MBTD1: variants seen among roughly 807,000 people sequenced by gnomAD.
MBTD1 encodes mbt domain containing 1.
In MBTD1, 24 loss-of-function variants were observed where a neutral mutation model predicts 87.8. The observed-to-expected ratio is 0.27, with a 90% CI of 0.20 to 0.38. The LOEUF (loss-of-function observed/expected upper bound fraction) is 0.38. MBTD1 is among the 10% of genes least tolerant of loss of function. MBTD1 has a pLI of 1.00. For synonymous variants in MBTD1, 237 were observed against 248.6 expected, an observed-to-expected ratio of 0.95 and a Z score of 0.44; for missense variants, 436 against 760.2, an observed-to-expected ratio of 0.57 and a Z score of 5.02.
intron 6 of MBTD1, among the ~76,000 whole-genome samples, chr17:51,217,100 C>CT (rs2052614606): frequency 6.6e-6 from 1 of 152,012 alleles, no homozygotes; most frequent in African/African-American, 2.4e-5. Context: ...AAGACTAGTA[C>CT]TTCTCCCTGT....
At chr17:51,227,344 T>G (rs979427251) in intron 2 of MBTD1, among the ~76,000 whole-genome samples, 1 of 151,950 alleles carries the variant, frequency 6.6e-6, no homozygotes, top group Non-Finnish European at 1.5e-5. Context: ...GTGGATTGCT[T>G]GAGCCCAGGA....
rs1035320707 is a variant in MBTD1, at chr17:51,178,728, TAAGATA to T, written c.*1842_*1847del. Reference sequence around the variant, plus strand: ...TACAGTAGGTCCCTCTCAGCAATGTTAAGATAAATATCCAGTAATTTAACAGCTGAA... The same window carrying T: ...TACAGTAGGTCCCTCTCAGCAATGTTAATATCCAGTAATTTAACAGCTGAA... On this transcript the variant is annotated 3_prime_UTR_variant, in exon 17 of 17. Transcript: ENST00000586178. 4.6e-5 allele frequency: 7 copies of T among 152,246 alleles called. No homozygotes were observed. Among genetic ancestry groups the T allele is most frequent in the African/African-American group, 1.7e-4 (7 of 41,474 alleles). The allele number at this position is 152,246 out of a possible 1,614,324, so 9.4% of individuals were successfully genotyped here. A position where few individuals can be genotyped will look rare whatever the true frequency, so the allele number is the denominator to read the frequency against.
intron 5 of MBTD1, among the ~76,000 whole-genome samples, 159 bp downstream of exon 5, chr17:51,218,771 T>C (rs1394241242): frequency 6.6e-6 from 1 of 152,206 alleles, no homozygotes; most frequent in Non-Finnish European, 1.5e-5. Context: ...TAGAGTAATT[T>C]ATTGAAATCA....
rs561093043 is a variant in MBTD1 at position 51,239,770 on chromosome 17, C to CA, written c.-48-14562dup. On this transcript the variant is annotated intron_variant, in intron 2 of 16. Coordinates refer to ENST00000586178, the MANE Select transcript of MBTD1 (RefSeq NM_017643.3). ...CCCTGGAAGCAAAAAACAAAAAAAA[C>CA]AAAAAAAAAATCCCAGTTGAGAACT... is the stretch of plus-strand genomic sequence containing the variant. 7.8e-4 allele frequency among the ~76,000 whole-genome samples: 116 copies of CA among 148,658 alleles called. 1 individual carries two copies. The Middle Eastern group carries it at 0.01, about 13-fold the overall frequency.
intron 16 of MBTD1, chr17:51,183,963 C>T (rs1205189772): frequency 1.3e-5 from 2 of 152,102 alleles, no homozygotes; most frequent in African/African-American, 2.4e-5. Context: ...TTCATTCAAA[C>T]GGATGTTTTT....
upstream of MBTD1, chr17:51,260,887 C>G (rs760945069): frequency 5.6e-6 from 9 of 1,599,104 alleles, no homozygotes; most frequent in Admixed American, 1.5e-4. Context: ...ACGTCGAGAA[C>G]GACGAGGACG....
chr17:51,195,426 G>GACATTATAAAAATAATACTTTT, intron 12 of MBTD1, 65 bp from the exon 13 acceptor site: 1 of 1,327,288 alleles, frequency 7.5e-7, no homozygotes, highest in South Asian at 1.6e-5. Flanking sequence ...ATAATACTTT[G>GACATTATAAAAATAATACTTTT]ACATTCTAAA....
In MBTD1 at chr17:51,204,419, C is replaced by T. The variant is rs148802420; in HGVS notation, c.605-494G>A. ...TTATAGGCATATATATGTAATTATA[C>T]ATATAACATACATATTTATGTATAA... On this transcript the variant is annotated intron_variant, in intron 7 of 16. Transcript: ENST00000586178. Among the ~76,000 whole-genome samples the T allele has an allele frequency of 1.7e-3, 235 of 137,876 alleles. 1 individual carries two copies. The highest frequency in any genetic ancestry group is 4.8e-3 in the African/African-American group (180 of 37,388). The allele number at this position is 137,876 out of a possible 152,430, so 90.5% of individuals were successfully genotyped here. A position where few individuals can be genotyped will look rare whatever the true frequency, so the allele number is the denominator to read the frequency against.
intron 16 of MBTD1, among the ~76,000 whole-genome samples, chr17:51,181,188 A>T (rs1054318083): frequency 1.3e-5 from 2 of 151,814 alleles, no homozygotes; most frequent in African/African-American, 4.8e-5. Context: ...CACCACGCCC[A>T]GCTAATTTTT....
At chr17:51,183,040 G>A (rs1291561155) in intron 16 of MBTD1, among the ~76,000 whole-genome samples, 1 of 151,894 alleles carries the variant, frequency 6.6e-6, no homozygotes, top group African/African-American at 2.4e-5. Flanking sequence ...TCCCACCTTA[G>A]CCTCCCAAAG....
At chr17:51,229,140 G>C (rs557782480) in intron 2 of MBTD1, among the ~76,000 whole-genome samples, 4 of 152,210 alleles carry the variant, frequency 2.6e-5, no homozygotes, top group African/African-American at 9.6e-5. Flanking sequence ...GACCAATCTG[G>C]GCAACATAGG....
intron 2 of MBTD1, among the ~76,000 whole-genome samples, chr17:51,234,219 C>G (rs1381017101): frequency 6.6e-6 from 1 of 151,414 alleles, no homozygotes; most frequent in Non-Finnish European, 1.5e-5. Flanking sequence ...GTAGCAAAAC[C>G]CCATCTCTAC....
At chr17:51,249,408 A>G (rs2054642946) in intron 2 of MBTD1, among the ~76,000 whole-genome samples, 1 of 152,212 alleles carries the variant, frequency 6.6e-6, no homozygotes, top group Non-Finnish European at 1.5e-5. Flanking sequence ...TACTTCATAT[A>G]GATTTTGCTT....
chr17:51,180,824 C>A, intron 16 of MBTD1, 130 bp from the exon 17 acceptor site: 1 of 660,574 alleles, frequency 1.5e-6, no homozygotes, highest in South Asian at 1.7e-5. Context: ...TTTTAATTTT[C>A]CAGTATATTA....
At chr17:51,214,020 A>AT (rs2052415419) in intron 6 of MBTD1, among the ~76,000 whole-genome samples, 1 of 152,264 alleles carries the variant, frequency 6.6e-6, no homozygotes, top group East Asian at 1.9e-4. Context: ...TAATACACAG[A>AT]TTTTTTAGTA....
rs2055367000 is a variant in MBTD1, at chr17:51,259,866, T to A, written c.-144A>T. The stretch of plus-strand genomic sequence containing the variant: ...CTTTGTGTTTTCCATCAGGGCCTCA[T>A]GGGTAGGGGTTGTCCGTGCTCCCCG... On this transcript the variant is annotated 5_prime_UTR_variant, in exon 1 of 17. It removes an upstream start codon present in the reference 5' UTR. Coordinates refer to ENST00000586178, the MANE Select transcript of MBTD1 (RefSeq NM_017643.3). 1 of 1,231,566 alleles carries A rather than the reference T, an allele frequency of 8.1e-7. No homozygotes were observed. 76.3% of individuals were successfully genotyped at this position (1,231,566 alleles called of 1,614,324 possible).
rs1555673727 is a variant in MBTD1, at chr17:51,179,496, A to ATATATATATT, written c.*1079_*1080insAATATATATA. ...ATTAAAGACAATTTTATATATATAT[A>ATATATATATT]TATATATATATATATATATATATAT... On this transcript the variant is annotated 3_prime_UTR_variant, in exon 17 of 17. Coordinates refer to ENST00000586178, the MANE Select transcript of MBTD1 (RefSeq NM_017643.3). The ATATATATATT allele has an allele frequency of 3.4e-4, 18 of 53,090 alleles. 1 individual carries two copies. Among genetic ancestry groups the ATATATATATT allele is most frequent in the East Asian group, 2.8e-3 (5 of 1,792 alleles). 3.3% of individuals were successfully genotyped at this position (53,090 alleles called of 1,614,324 possible).
At position 51,191,165 on chromosome 17, in the gene MBTD1, T is replaced by TA. The variant is rs558656613; in HGVS notation, c.1768+1037dup. Among the ~76,000 whole-genome samples the TA allele has an allele frequency of 2.4e-3, 363 of 151,262 alleles. 3 individuals are homozygous for TA. The highest frequency in any genetic ancestry group is 6.8e-3 in the Middle Eastern group (2 of 292). On this transcript the variant is annotated intron_variant, in intron 16 of 16. Transcript: ENST00000586178. ...GGCTTTCTATGGTGGGGAAATAAGATAAAAAAAATCAAACATAGTTATCAA... is the reference window on the plus strand; with the variant it reads ...GGCTTTCTATGGTGGGGAAATAAGATAAAAAAAAATCAAACATAGTTATCAA...
At chr17:51,194,594 T>TAAAAAAAAAAAAAAAA (rs1568156671) in intron 13 of MBTD1, among the ~76,000 whole-genome samples, 1 of 50,398 alleles carries the variant, frequency 2.0e-5, no homozygotes, top group Non-Finnish European at 3.9e-5. Flanking sequence ...AAAAAAAAAG[T>TAAAAAAAAAAAAAAAA]CCACATGGCT....
Sources: gnomAD v4.1 joint callset for allele counts (sites outside exome capture counted in the v4.1 genomes callset) on GRCh38, gnomAD v4.1.1 for gene constraint, MANE v1.5 for transcripts, NCBI Gene and HGNC (gene_info 2026-07-23, HGNC 2026-07-21) for gene names.